Variants in PATJ observed in about 807,000 individuals in gnomAD.
PATJ encodes inaD-like protein.
A neutral mutation model predicts 224.9 loss-of-function variants in PATJ; 190 were observed. The ratio of observed to expected loss-of-function variants is 0.84; its 90% CI spans 0.75 to 0.95. The LOEUF is 0.95. Among genes scored for constraint, PATJ ranks in the 40% least tolerant of loss-of-function variants. PATJ has a pLI of 0.00. For missense variants in PATJ, 2,121 were observed against 2,270.3 expected (o/e 0.93, Z 1.34); for synonymous variants, 769 against 820.3 (o/e 0.94, Z 1.07).
rs1207583070 is a variant in PATJ at position 61,959,439 on chromosome 1, C to CT, written c.3671-30715dup. 5.2e-4 allele frequency among the ~76,000 whole-genome samples: 51 copies of CT among 97,576 alleles called. No individual in the cohort carries two copies. In the East Asian group the frequency reaches 5.3e-3, roughly 10 times the overall value. 64.0% of individuals were successfully genotyped at this position (97,576 alleles called of 152,430 possible). A position where few individuals can be genotyped will look rare whatever the true frequency, so the allele number is the denominator to read the frequency against. ...ATATATAATATATTTTTTTTCTTTT[C>CT]TTTTTTTTTTTTTTGAGACAGAGTT... On this transcript the variant is annotated intron_variant, in intron 27 of 43. Coordinates refer to ENST00000642238, the MANE Select transcript of PATJ (RefSeq NM_001350145.3).
chr1:61,912,026 TA>T (rs1672734984), intron 25 of PATJ, among the ~76,000 whole-genome samples: 1 of 102,436 alleles, frequency 9.8e-6, no homozygotes, highest in African/African-American at 3.5e-5. Context: ...ATTTTTATAT[TA>T]AAAAATTGGA....
intron 1 of PATJ, among the ~76,000 whole-genome samples, chr1:61,749,846 T>C (rs1419094069): frequency 1.3e-5 from 2 of 152,040 alleles, no homozygotes; most frequent in African/African-American, 4.8e-5. Context: ...AGCTGGCTAA[T>C]TTTTAAATTT....
At chr1:61,801,896 A>G in intron 12 of PATJ, 127 bp downstream of exon 12, 1 of 607,480 alleles carries the variant, frequency 1.6e-6, no homozygotes, top group Non-Finnish European at 2.6e-6. Context: ...GATATTCTTA[A>G]TATCAACTTT....
chr1:61,799,951 CTA>C lies in PATJ; in HGVS notation c.1403-1661_1403-1660del, dbSNP rs758142452. On this transcript the variant is annotated intron_variant, in intron 11 of 43. Coordinates refer to ENST00000642238, the MANE Select transcript of PATJ (RefSeq NM_001350145.3). ...AAACATAGTTTCATTCTTTTTATGC[CTA>C]TATATATATACATACCACATTTTCT... 2.0e-5 allele frequency among the ~76,000 whole-genome samples: 3 copies of C among 151,892 alleles called. No individual in the cohort carries two copies. The East Asian group carries it at 5.8e-4, about 29-fold the overall frequency.
At chr1:62,007,673 C>G (rs970481877) in intron 28 of PATJ, among the ~76,000 whole-genome samples, 1 of 152,206 alleles carries the variant, frequency 6.6e-6, no homozygotes, top group Non-Finnish European at 1.5e-5. Flanking sequence ...TCTCACAGTT[C>G]TGGAGGCTGA....
At chr1:62,040,874 T>C (rs536590581) in intron 30 of PATJ, among the ~76,000 whole-genome samples, 1 of 152,278 alleles carries the variant, frequency 6.6e-6, no homozygotes, top group African/African-American at 2.4e-5. Context: ...CATAGGTTCT[T>C]AGTTGGAATG....
At chr1:62,116,468 C>G (rs1664452361) in intron 35 of PATJ, 64 bp from the exon 36 acceptor site, 1 of 1,567,190 alleles carries the variant, frequency 6.4e-7, no homozygotes, top group Non-Finnish European at 8.7e-7. Context: ...CTGTCACACA[C>G]ACACGTATTA....
At chr1:62,136,858 C>T (rs1487761365) in intron 41 of PATJ, among the ~76,000 whole-genome samples, 2 of 152,132 alleles carry the variant, frequency 1.3e-5, no homozygotes, top group Non-Finnish European at 2.9e-5. Context: ...GCATGAGCCG[C>T]CACACCCAGC....
rs566411164 is a variant in PATJ, at chr1:61,866,841, G to T, written c.2835+2208G>T. On this transcript the variant is annotated intron_variant, in intron 20 of 43. Coordinates refer to ENST00000642238, the MANE Select transcript of PATJ (RefSeq NM_001350145.3). ...CTCCATAGATAGAGCAGTCCTGAGG[G>T]CTACTGGTTGCCCATTTTTATAGTT... Among the ~76,000 whole-genome samples, 4 of 152,268 alleles carry T rather than the reference G, an allele frequency of 2.6e-5. No homozygotes were observed. In the South Asian group the frequency reaches 8.3e-4, roughly 32 times the overall value.
intron 31 of PATJ, among the ~76,000 whole-genome samples, chr1:62,063,279 T>A (rs1655859788): frequency 6.6e-6 from 1 of 152,222 alleles, no homozygotes; most frequent in South Asian, 2.1e-4. Context: ...CCACATTTCT[T>A]ATTTTTGTTG....
chr1:61,786,254 T>G (rs1431187688), intron 7 of PATJ, among the ~76,000 whole-genome samples: 1 of 152,188 alleles, frequency 6.6e-6, no homozygotes, highest in Non-Finnish European at 1.5e-5. Flanking sequence ...ACTCCTGGCC[T>G]CAAGTGATCC....
At chr1:61,770,143 T>G (rs1646518261) in intron 5 of PATJ, among the ~76,000 whole-genome samples, 1 of 152,198 alleles carries the variant, frequency 6.6e-6, no homozygotes, top group Non-Finnish European at 1.5e-5. Flanking sequence ...ACATCCTCCA[T>G]TCTTGGGGGA....
At chr1:61,964,814 G>T (rs1447465087) in intron 27 of PATJ, among the ~76,000 whole-genome samples, 1 of 151,586 alleles carries the variant, frequency 6.6e-6, no homozygotes, top group Non-Finnish European at 1.5e-5. Context: ...AATAAAAAAG[G>T]TATTTAAATC....
chr1:62,029,278 G>A (rs1257340731), intron 29 of PATJ, among the ~76,000 whole-genome samples: 1 of 152,108 alleles, frequency 6.6e-6, no homozygotes, highest in Non-Finnish European at 1.5e-5. Flanking sequence ...TGAAGTGATG[G>A]CATTCTACAA....
chr1:61,855,266 C>T (rs1212288661), intron 17 of PATJ, among the ~76,000 whole-genome samples: 1 of 152,132 alleles, frequency 6.6e-6, no homozygotes, highest in Non-Finnish European at 1.5e-5. Flanking sequence ...TGTTCCCAGA[C>T]CTCGTATGGT....
At chr1:62,103,445 G>T (rs1489018793) in intron 33 of PATJ, among the ~76,000 whole-genome samples, 1 of 152,136 alleles carries the variant, frequency 6.6e-6, no homozygotes, top group East Asian at 1.9e-4. Flanking sequence ...AATAAGAATG[G>T]ACAGGTGCTA....
chr1:61,790,777 G>C (rs991829604), intron 8 of PATJ, among the ~76,000 whole-genome samples: 42 of 151,974 alleles, frequency 2.8e-4, no homozygotes, highest in African/African-American at 9.9e-4. Flanking sequence ...GCCTCCCAAA[G>C]TGCTGGGATT....
At chr1:62,148,112 C>T (rs1310513362) in intron 41 of PATJ, among the ~76,000 whole-genome samples, 172 bp from the exon 42 acceptor site, 2 of 27,294 alleles carry the variant, frequency 7.3e-5, no homozygotes, top group African/African-American at 2.7e-4. Context: ...CAGAGTGAGA[C>T]ACTGTCTTTA....
chr1:62,112,370 G>A (rs1487867618), intron 34 of PATJ, among the ~76,000 whole-genome samples: 1 of 152,130 alleles, frequency 6.6e-6, no homozygotes. Context: ...GCCAGGCGTG[G>A]TGGCTGATCC....
Sources: gnomAD v4.1 joint callset for allele counts (sites outside exome capture counted in the v4.1 genomes callset) on GRCh38, gnomAD v4.1.1 for gene constraint, MANE v1.5 for transcripts, NCBI Gene and HGNC (gene_info 2026-07-23, HGNC 2026-07-21) for gene names.